UNC13B: variants seen among roughly 807,000 people sequenced by gnomAD.
UNC13B encodes the protein protein unc-13 homolog B.
UNC13B carries 144 observed loss-of-function variants against 211.0 expected under a neutral mutation model. The observed-to-expected ratio is 0.68, with a 90% CI of 0.60 to 0.78. The LOEUF is 0.78. Ranked by LOEUF, UNC13B falls within the 30% of genes least tolerant of loss-of-function variation. The pLI, the probability that UNC13B is intolerant of heterozygous loss-of-function variation, is 0.00. For synonymous variants in UNC13B, 709 were observed against 725.8 expected (o/e 0.98, Z 0.37); for missense variants, 1,777 against 2,002.0 (o/e 0.89, Z 2.14).
At chr9:35,209,449 C>G (rs1004218692) in intron 1 of UNC13B, among the ~76,000 whole-genome samples, 1 of 152,130 alleles carries the variant, frequency 6.6e-6, no homozygotes, top group African/African-American at 2.4e-5. Flanking sequence ...ATGACTTTGG[C>G]TCACTGCAAC....
chr9:35,384,208 T>C (rs757165720), intron 21 of UNC13B, 38 bp from the exon 22 acceptor site: 1 of 1,613,086 alleles, frequency 6.2e-7, no homozygotes, highest in Non-Finnish European at 8.5e-7. Context: ...AGACACAGGT[T>C]CTCTTTTTCT....
chr9:35,184,462 C>T (rs1190144690), intron 1 of UNC13B, among the ~76,000 whole-genome samples: 2 of 152,200 alleles, frequency 1.3e-5, no homozygotes, highest in Admixed American at 6.5e-5. Context: ...AATCCCAGCA[C>T]CCCGGGAGGC....
At chr9:35,321,031 A>C (rs778296962) in intron 11 of UNC13B, among the ~76,000 whole-genome samples, 21 of 152,180 alleles carry the variant, frequency 1.4e-4, no homozygotes, top group Non-Finnish European at 2.8e-4. Context: ...TTCTTATATA[A>C]GCTTTATATA....
At chr9:35,173,756 T>C (rs1488442467) in intron 1 of UNC13B, among the ~76,000 whole-genome samples, 1 of 152,190 alleles carries the variant, frequency 6.6e-6, no homozygotes. Flanking sequence ...TTAGCCCATT[T>C]TTACAGCTTA....
At position 35,399,164 on chromosome 9, in the gene UNC13B, C is replaced by T; in HGVS notation, c.12078C>T (p.Leu4026=). 2 of 1,614,188 alleles carry T rather than the reference C, an allele frequency of 1.2e-6. No homozygotes were observed. Among genetic ancestry groups the T allele is most frequent in the Non-Finnish European group, 1.7e-6 (2 of 1,180,036 alleles). The change falls in exon 34 of 40, where the codon CTC becomes CTT. Residue 4026 remains leucine, a synonymous_variant. Coordinates refer to ENST00000635942, the MANE Select transcript of UNC13B (RefSeq NM_001371189.2). The part of the protein sequence containing the change: ...RPLMDFLDGN[L]TLFATVCEKT... ...CACCTGTTGCCTGGACTTGCAGCCT[C>T]ACCCTCTTTGCCACTGTGTGTGAGA...
chr9:35,236,710 G>T, intron 4 of UNC13B, 124 bp downstream of exon 4: 1 of 886,330 alleles, frequency 1.1e-6, no homozygotes, highest in Non-Finnish European at 1.8e-6. Flanking sequence ...TCTAATTAGA[G>T]GGCATGCAAC....
chr9:35,375,695 TG>T (rs1834354739), intron 14 of UNC13B, among the ~76,000 whole-genome samples: 1 of 152,196 alleles, frequency 6.6e-6, no homozygotes, highest in South Asian at 2.1e-4. Flanking sequence ...CCAAAAGTCA[TG>T]GGGACCAGGC....
At chr9:35,349,548 A>G (rs899157434) in intron 11 of UNC13B, among the ~76,000 whole-genome samples, 1 of 152,158 alleles carries the variant, frequency 6.6e-6, no homozygotes, top group African/African-American at 2.4e-5. Context: ...GATTAGGGGC[A>G]TGGCTGTTCC....
chr9:35,259,155 A>C, intron 7 of UNC13B, 105 bp downstream of exon 7: 1 of 1,166,930 alleles, frequency 8.6e-7, no homozygotes, highest in Non-Finnish European at 1.3e-6. Flanking sequence ...TCATGTGTGT[A>C]AGCAGAAGAT....
intron 11 of UNC13B, among the ~76,000 whole-genome samples, chr9:35,349,417 G>T (rs978201726): frequency 1.8e-4 from 27 of 151,514 alleles, no homozygotes; most frequent in African/African-American, 6.3e-4. Flanking sequence ...AGAGAAGGAA[G>T]AATTTGGCAT....
chr9:35,280,028 G>A (rs1828395771), intron 7 of UNC13B, among the ~76,000 whole-genome samples: 1 of 152,080 alleles, frequency 6.6e-6, no homozygotes, highest in Non-Finnish European at 1.5e-5. Flanking sequence ...CTTTTGTTTA[G>A]TGTCCTGGTC....
chr9:35,401,046 C>T (rs966137185), intron 37 of UNC13B, among the ~76,000 whole-genome samples: 5 of 152,196 alleles, frequency 3.3e-5, no homozygotes, highest in Non-Finnish European at 5.9e-5. Flanking sequence ...CCCTCCCTAC[C>T]TCCAGCATGG....
chr9:35,345,340 G>A (rs910412364), intron 11 of UNC13B, among the ~76,000 whole-genome samples: 3 of 152,150 alleles, frequency 2.0e-5, no homozygotes, highest in African/African-American at 7.2e-5. Context: ...GGAGCAGGGT[G>A]GGGTATCAGT....
intron 7 of UNC13B, among the ~76,000 whole-genome samples, chr9:35,278,997 C>A (rs778638318): frequency 3.3e-5 from 5 of 152,024 alleles, no homozygotes; most frequent in Non-Finnish European, 7.4e-5. Context: ...ATATGTATGA[C>A]TACATGTAGG....
intron 5 of UNC13B, among the ~76,000 whole-genome samples, chr9:35,239,681 C>T (rs560652145): frequency 4.4e-4 from 67 of 152,256 alleles, no homozygotes; most frequent in African/African-American, 1.5e-3. Context: ...TATCTACAAC[C>T]GTAAAAGACA....
chr9:35,336,527 C>T (rs974384562), intron 11 of UNC13B, among the ~76,000 whole-genome samples: 5 of 152,094 alleles, frequency 3.3e-5, no homozygotes, highest in Non-Finnish European at 5.9e-5. Context: ...GAAAGAGTCT[C>T]GCTCTGTCAC....
chr9:35,200,970 G>A (rs1326494387), intron 1 of UNC13B, among the ~76,000 whole-genome samples: 1 of 152,158 alleles, frequency 6.6e-6, no homozygotes, highest in Non-Finnish European at 1.5e-5. Flanking sequence ...TTGGCTGTGG[G>A]TTTGTCATAG....
At chr9:35,376,735 G>A (rs774022596) in intron 15 of UNC13B, among the ~76,000 whole-genome samples, 5 of 152,202 alleles carry the variant, frequency 3.3e-5, no homozygotes, top group Non-Finnish European at 5.9e-5. Flanking sequence ...AATGTCAAAT[G>A]AATCTGGTAG....
At chr9:35,162,737 A>G (rs980167965) in intron 1 of UNC13B, among the ~76,000 whole-genome samples, 5 of 152,210 alleles carry the variant, frequency 3.3e-5, no homozygotes, top group Non-Finnish European at 7.3e-5. Context: ...TTAGTGGTAC[A>G]GCTGTCACAT....
Sources: gnomAD v4.1 joint callset for allele counts (sites outside exome capture counted in the v4.1 genomes callset) on GRCh38, gnomAD v4.1.1 for gene constraint, MANE v1.5 for transcripts, NCBI Gene and HGNC (gene_info 2026-07-23, HGNC 2026-07-21) for gene names.